The following AKAP6 variants were observed in gnomAD, a reference collection of about 807,000 sequenced individuals.
AKAP6 encodes the protein A-kinase anchor protein 6.
A neutral mutation model predicts 188.5 loss-of-function variants in AKAP6; 58 were observed. The observed-to-expected ratio is 0.31, with a 90% CI of 0.25 to 0.38. The LOEUF (loss-of-function observed/expected upper bound fraction) is 0.38, where lower values mean the gene tolerates loss of function less well. Among genes scored for constraint, AKAP6 ranks in the 10% least tolerant of loss-of-function variants. The pLI, the probability that AKAP6 is intolerant of heterozygous loss-of-function variation, is 1.00. For synonymous variants in AKAP6, 989 were observed against 998.6 expected, an observed-to-expected ratio of 0.99 and a Z score of 0.18; for missense variants, 2,710 against 2,740.0, an observed-to-expected ratio of 0.99 and a Z score of 0.24.
chr14:32,781,649 ATTC>A (rs1457068941), intron 12 of AKAP6, among the ~76,000 whole-genome samples: 1 of 152,192 alleles, frequency 6.6e-6, no homozygotes, highest in East Asian at 1.9e-4. Context: ...CAATAAAAAG[ATTC>A]TTAACAAAAT....
At chr14:32,418,661 T>G (rs899028257) in intron 1 of AKAP6, among the ~76,000 whole-genome samples, 1 of 152,198 alleles carries the variant, frequency 6.6e-6, no homozygotes, top group Non-Finnish European at 1.5e-5. Context: ...ATTTAATCTA[T>G]AACTAATTTT....
rs533174257 is a variant in AKAP6 at position 32,378,748 on chromosome 14, T to A, written c.-35+49340T>A. ...GATAGTATTTTTTGTTTCAAATAGC[T>A]GGGGAAAAATAATACTTATAAATGG... is the stretch of plus-strand genomic sequence containing the variant. On this transcript the variant is annotated intron_variant, in intron 1 of 13. Coordinates refer to ENST00000280979, the MANE Select transcript of AKAP6 (RefSeq NM_004274.5). Among the ~76,000 whole-genome samples the A allele has an allele frequency of 2.6e-5, 4 of 152,300 alleles. 1 individual carries two copies. In the South Asian group the frequency reaches 8.3e-4, roughly 32 times the overall value.
intron 2 of AKAP6, among the ~76,000 whole-genome samples, chr14:32,524,581 C>A (rs929491573): frequency 6.6e-6 from 1 of 152,042 alleles, no homozygotes; most frequent in African/African-American, 2.4e-5. Flanking sequence ...TTAGAAAAAT[C>A]CACAAACCTG....
intron 12 of AKAP6, among the ~76,000 whole-genome samples, chr14:32,818,523 C>T (rs1303398884): frequency 3.3e-5 from 5 of 150,000 alleles, no homozygotes; most frequent in Admixed American, 6.6e-5. Flanking sequence ...TTTTTTGTAA[C>T]CGTGAAATTT....
intron 11 of AKAP6, among the ~76,000 whole-genome samples, chr14:32,755,472 G>T (rs1326893593): frequency 2.0e-5 from 3 of 151,298 alleles, no homozygotes; most frequent in Admixed American, 2.0e-4. Context: ...TTGTTTAGTT[G>T]TTTATTTGTG....
chr14:32,807,726 A>G (rs1359042373), intron 12 of AKAP6, among the ~76,000 whole-genome samples: 2 of 152,236 alleles, frequency 1.3e-5, no homozygotes, highest in African/African-American at 4.8e-5. Flanking sequence ...TTCCTGTCCA[A>G]TAACTTTTCA....
chr14:32,680,917 C>G (rs969176023), intron 8 of AKAP6, among the ~76,000 whole-genome samples: 19 of 152,108 alleles, frequency 1.2e-4, no homozygotes, highest in African/African-American at 4.6e-4. Flanking sequence ...TGTATGAGTT[C>G]TAGTAACAGA....
Position 32,361,053 on chromosome 14 carries a change from C to CATATATATATATATATAT in AKAP6, c.-35+31648_-35+31649insTATATATATATATATATA, listed in dbSNP as rs201231103. Among the ~76,000 whole-genome samples the CATATATATATATATATAT allele has an allele frequency of 3.4e-3, 384 of 111,888 alleles. 24 individuals are homozygous for CATATATATATATATATAT. The highest frequency in any genetic ancestry group is 4.9e-3 in the Admixed American group (61 of 12,336). 73.4% of individuals were successfully genotyped at this position (111,888 alleles called of 152,430 possible). On this transcript the variant is annotated intron_variant, in intron 1 of 13. Coordinates refer to ENST00000280979, the MANE Select transcript of AKAP6 (RefSeq NM_004274.5). ...TGTGAGCCACTGCACAAGGCCTGAA[C>CATATATATATATATATAT]ATACATATATATATATATTTGAGAA...
At chr14:32,339,452 A>G (rs1886824956) in intron 1 of AKAP6, among the ~76,000 whole-genome samples, 1 of 152,178 alleles carries the variant, frequency 6.6e-6, no homozygotes. Context: ...TTGCCTGGGA[A>G]GCTCTGATGT....
At chr14:32,442,279 C>T (rs1594617818) in intron 2 of AKAP6, 5 of 152,284 alleles carry the variant, frequency 3.3e-5, no homozygotes, top group African/African-American at 1.2e-4. Flanking sequence ...TTTTGGTGCA[C>T]TGGCTTCATA....
At chr14:32,364,301 G>A (rs1887757807) in intron 1 of AKAP6, among the ~76,000 whole-genome samples, 1 of 152,190 alleles carries the variant, frequency 6.6e-6, no homozygotes, top group South Asian at 2.1e-4. Context: ...TATTGATACA[G>A]AGAAGTTTCC....
chr14:32,526,174 C>G (rs1882114044), intron 2 of AKAP6, among the ~76,000 whole-genome samples: 1 of 151,802 alleles, frequency 6.6e-6, no homozygotes, highest in African/African-American at 2.4e-5. Context: ...AAGTGATCCT[C>G]CCTCCTCATC....
intron 3 of AKAP6, among the ~76,000 whole-genome samples, chr14:32,541,576 T>C (rs573593700): frequency 3.9e-5 from 6 of 152,260 alleles, no homozygotes; most frequent in African/African-American, 1.4e-4. Flanking sequence ...TAAATACTTT[T>C]CTATAACCTC....
chr14:32,552,752 A>G (rs1386296803), intron 4 of AKAP6, among the ~76,000 whole-genome samples: 1 of 152,214 alleles, frequency 6.6e-6, no homozygotes, highest in Non-Finnish European at 1.5e-5. Flanking sequence ...ATTGAAGCTT[A>G]TTTGAAGGCA....
At chr14:32,796,500 T>C (rs1041976585) in intron 12 of AKAP6, among the ~76,000 whole-genome samples, 7 of 152,172 alleles carry the variant, frequency 4.6e-5, no homozygotes, top group Non-Finnish European at 1.5e-5. Context: ...CATCTGATCT[T>C]GGACAAACCT....
chr14:32,420,886 A>T (rs1335389323), intron 1 of AKAP6, among the ~76,000 whole-genome samples: 1 of 140,216 alleles, frequency 7.1e-6, no homozygotes, highest in Admixed American at 7.4e-5. Context: ...GTATCTTTTA[A>T]GAAAAGTGTG....
intron 1 of AKAP6, among the ~76,000 whole-genome samples, chr14:32,360,653 A>C (rs1341827575): frequency 1.3e-5 from 2 of 151,688 alleles, no homozygotes; most frequent in Non-Finnish European, 2.9e-5. Flanking sequence ...ATTATAATCC[A>C]ATACTATGGT....
At chr14:32,632,887 G>A (rs1297737739) in intron 7 of AKAP6, among the ~76,000 whole-genome samples, 1 of 152,090 alleles carries the variant, frequency 6.6e-6, no homozygotes. Context: ...GTACCAAAAT[G>A]TGGTTAGATT....
chr14:32,438,314 C>G (rs556855090), intron 2 of AKAP6, among the ~76,000 whole-genome samples: 6 of 152,160 alleles, frequency 3.9e-5, no homozygotes, highest in Non-Finnish European at 7.3e-5. Flanking sequence ...TCACATCCCC[C>G]TTTTTGTTGT....
Sources: allele counts gnomAD v4.1 joint callset (sites outside exome capture counted in the v4.1 genomes callset), GRCh38; gene constraint gnomAD v4.1.1; transcripts MANE v1.5; gene names NCBI Gene and HGNC (gene_info 2026-07-23, HGNC 2026-07-21).